The following SHANK2 variants were observed in gnomAD, a reference collection of about 807,000 sequenced individuals.
SHANK2 encodes the protein SH3 and multiple ankyrin repeat domains protein 2.
Under a neutral mutation model 133.7 loss-of-function variants are expected in SHANK2, and 43 were observed. The observed-to-expected ratio is 0.32, with a 90% CI of 0.25 to 0.41. The LOEUF (loss-of-function observed/expected upper bound fraction) is 0.41. Among genes scored for constraint, SHANK2 ranks in the 10% least tolerant of loss-of-function variants. SHANK2 has a pLI of 1.00. For synonymous variants in SHANK2, 1,017 were observed against 952.8 expected (o/e 1.07, Z -1.24); for missense variants, 1,994 against 2,235.8 (o/e 0.89, Z 2.18).
At chr11:71,222,587 C>A (rs534819636) in intron 2 of SHANK2, among the ~76,000 whole-genome samples, 2 of 152,240 alleles carry the variant, frequency 1.3e-5, no homozygotes, top group South Asian at 4.1e-4. Context: ...TGGTTGTTAG[C>A]TCTGCCCCAG....
At chr11:71,162,657 A>G (rs190875113) in intron 2 of SHANK2, among the ~76,000 whole-genome samples, 106 of 152,378 alleles carry the variant, frequency 7.0e-4, no homozygotes, top group Admixed American at 1.5e-3. Context: ...ACTTTCATAC[A>G]TGAATTAAAA....
chr11:70,823,043 A>C (rs2135361334), intron 11 of SHANK2, among the ~76,000 whole-genome samples: 1 of 123,766 alleles, frequency 8.1e-6, no homozygotes, highest in Non-Finnish European at 1.7e-5. Context: ...GCGTTGGCAG[A>C]GCCCACGGGG....
chr11:71,058,759 G>A (rs991567563), intron 9 of SHANK2, among the ~76,000 whole-genome samples: 1 of 152,198 alleles, frequency 6.6e-6, no homozygotes, highest in Non-Finnish European at 1.5e-5. Flanking sequence ...AATATACACC[G>A]AATAAAGGGG....
chr11:70,642,627 C>A (rs2061199661), intron 17 of SHANK2, among the ~76,000 whole-genome samples: 1 of 152,186 alleles, frequency 6.6e-6, no homozygotes, highest in African/African-American at 2.4e-5. Flanking sequence ...GCTGCCACTT[C>A]CATCCTTCCC....
chr11:70,667,497 C>T (rs896628186), intron 15 of SHANK2, among the ~76,000 whole-genome samples: 6 of 152,280 alleles, frequency 3.9e-5, no homozygotes, highest in East Asian at 1.9e-4. Flanking sequence ...GTGTCTGCCT[C>T]GCAAGACCAC....
intron 10 of SHANK2, among the ~76,000 whole-genome samples, chr11:70,955,009 A>G (rs538613093): frequency 6.6e-6 from 1 of 152,320 alleles, no homozygotes; most frequent in South Asian, 2.1e-4. Flanking sequence ...TACCCAAACC[A>G]CCAAGCACAG....
chr11:70,856,589 T>C (rs1949175991), intron 11 of SHANK2, among the ~76,000 whole-genome samples: 1 of 152,030 alleles, frequency 6.6e-6, no homozygotes, highest in Admixed American at 6.6e-5. Flanking sequence ...GATAGATATA[T>C]TAGTTGTATA....
In SHANK2 at chr11:70,771,772, T is replaced by C. The variant is rs190192964; in HGVS notation, c.1777+26671A>G. ...GTGGCCACACACGGCCACTGATGGA[T>C]TTAGGATTTGGAGGTTCATAAATAA... On this transcript the variant is annotated intron_variant, in intron 14 of 25. Coordinates refer to ENST00000601538, the MANE Select transcript of SHANK2 (RefSeq NM_012309.5). Among the ~76,000 whole-genome samples, 215 of 152,220 alleles carry C rather than the reference T, an allele frequency of 1.4e-3. 1 individual carries two copies. The highest frequency in any genetic ancestry group is 0.011 in the Admixed American group (169 of 15,298).
chr11:70,615,097 T>C (rs531743696), intron 17 of SHANK2, among the ~76,000 whole-genome samples: 1 of 152,362 alleles, frequency 6.6e-6, no homozygotes, highest in South Asian at 2.1e-4. Context: ...CATCTTCCGA[T>C]GGCAGAGGGG....
At chr11:70,610,957 G>A (rs188789480) in intron 17 of SHANK2, among the ~76,000 whole-genome samples, 209 of 152,332 alleles carry the variant, frequency 1.4e-3, no homozygotes, top group Non-Finnish European at 2.2e-3. Flanking sequence ...TATGGGGCAC[G>A]GTGATCAGAA....
intron 10 of SHANK2, among the ~76,000 whole-genome samples, chr11:70,897,337 T>G (rs1252691584): frequency 2.0e-5 from 3 of 152,218 alleles, no homozygotes; most frequent in African/African-American, 7.2e-5. Context: ...GGCATTCAGA[T>G]GCCAGCCTGG....
At position 70,812,598 on chromosome 11, in the gene SHANK2, C is replaced by G. The variant is rs142272238; in HGVS notation, c.1494-5427G>C. On this transcript the variant is annotated intron_variant, in intron 12 of 25. Coordinates refer to ENST00000601538, the MANE Select transcript of SHANK2 (RefSeq NM_012309.5). ...ACAAGGTGTCTTATCCTTGTGATGTCTCATTTGATGAACTACATCCTCCTG... is the reference window on the plus strand; with the variant it reads ...ACAAGGTGTCTTATCCTTGTGATGTGTCATTTGATGAACTACATCCTCCTG... Among the ~76,000 whole-genome samples, 94 of 152,342 alleles carry G rather than the reference C, an allele frequency of 6.2e-4. 1 individual carries two copies. The highest frequency in any genetic ancestry group is 2.2e-3 in the African/African-American group (93 of 41,580).
intron 3 of SHANK2, among the ~76,000 whole-genome samples, chr11:71,130,489 G>A (rs1952280687): frequency 6.6e-6 from 1 of 152,180 alleles, no homozygotes; most frequent in Non-Finnish European, 1.5e-5. Context: ...GGGTGATTTT[G>A]GAAGATTGTA....
At chr11:71,214,411 C>T (rs1326069660) in intron 2 of SHANK2, among the ~76,000 whole-genome samples, 3 of 152,210 alleles carry the variant, frequency 2.0e-5, no homozygotes, top group African/African-American at 7.2e-5. Flanking sequence ...GACACCCTCC[C>T]TTCTTTTCCA....
At chr11:70,585,640 T>TACCC (rs2060239089) in intron 17 of SHANK2, among the ~76,000 whole-genome samples, 1 of 150,328 alleles carries the variant, frequency 6.7e-6, no homozygotes, top group African/African-American at 2.5e-5. Context: ...TGTATCCATC[T>TACCC]ACCCATCTAT....
At chr11:71,102,813 C>T (rs1555096947) in intron 6 of SHANK2, among the ~76,000 whole-genome samples, 1 of 152,218 alleles carries the variant, frequency 6.6e-6, no homozygotes. Flanking sequence ...TGCCTCTGCC[C>T]TCCCTGGTGA....
chr11:70,593,506 T>C (rs936733643), intron 17 of SHANK2, among the ~76,000 whole-genome samples: 5 of 152,164 alleles, frequency 3.3e-5, no homozygotes, highest in African/African-American at 1.2e-4. Flanking sequence ...CACCTGGGCA[T>C]GGTGGCTACC....
At chr11:70,726,843 T>C (rs1946190623) in intron 14 of SHANK2, among the ~76,000 whole-genome samples, 1 of 152,218 alleles carries the variant, frequency 6.6e-6, no homozygotes, top group Admixed American at 6.5e-5. Flanking sequence ...CCTCATGTGC[T>C]TCTGCTCACC....
At chr11:70,758,437 C>T (rs577185589) in intron 14 of SHANK2, among the ~76,000 whole-genome samples, 1 of 152,336 alleles carries the variant, frequency 6.6e-6, no homozygotes, top group African/African-American at 2.4e-5. Context: ...TCCAGCGAGG[C>T]GGCGCCCATT....
Sources: gnomAD v4.1 joint callset for allele counts (sites outside exome capture counted in the v4.1 genomes callset) on GRCh38, gnomAD v4.1.1 for gene constraint, MANE v1.5 for transcripts, NCBI Gene and HGNC (gene_info 2026-07-23, HGNC 2026-07-21) for gene names.